The following CDH22 variants were observed in gnomAD, a reference collection of about 807,000 sequenced individuals.
CDH22 encodes the protein cadherin 22.
In CDH22, 30 loss-of-function variants were observed where a neutral mutation model predicts 58.4. That is an observed-to-expected ratio of 0.51 (90% CI 0.38 to 0.70). The LOEUF (loss-of-function observed/expected upper bound fraction) is 0.70. Ranked by LOEUF, CDH22 falls within the 30% of genes least tolerant of loss-of-function variation. CDH22 has a pLI of 0.00. For missense variants in CDH22, 1,014 were observed against 1,233.9 expected, an observed-to-expected ratio of 0.82 and a Z score of 2.67; for synonymous variants, 513 against 558.2, an observed-to-expected ratio of 0.92 and a Z score of 1.14.
chr20:46,187,039 G>T, intron 8 of CDH22, 92 bp from the exon 9 acceptor site: 1 of 1,354,650 alleles, frequency 7.4e-7, no homozygotes, highest in Non-Finnish European at 9.9e-7. Flanking sequence ...TAGGCAGTGG[G>T]GTCATGCTGA....
intron 1 of CDH22, among the ~76,000 whole-genome samples, chr20:46,262,469 T>C (rs373894318): frequency 6.6e-6 from 1 of 152,154 alleles, no homozygotes; most frequent in Admixed American, 6.5e-5. Flanking sequence ...CCTGGCTCAG[T>C]CTGGATGGTT....
chr20:46,305,370 G>C (rs2086670197), intron 1 of CDH22, among the ~76,000 whole-genome samples: 1 of 152,238 alleles, frequency 6.6e-6, no homozygotes, highest in South Asian at 2.1e-4. Context: ...AGGAACCCGG[G>C]GTGGAGGGTG....
intron 2 of CDH22, among the ~76,000 whole-genome samples, chr20:46,247,446 A>C (rs972503695): frequency 5.3e-5 from 8 of 152,178 alleles, no homozygotes; most frequent in African/African-American, 1.9e-4. Flanking sequence ...TCTGTACTGA[A>C]TGTGTACAGA....
intron 8 of CDH22, among the ~76,000 whole-genome samples, chr20:46,195,233 A>C (rs2085890402): frequency 6.6e-6 from 1 of 152,218 alleles, no homozygotes; most frequent in African/African-American, 2.4e-5. Context: ...AAGCCCATTC[A>C]TTCATCCATT....
Position 46,256,406 on chromosome 20 carries a change from G to A in CDH22, c.-399-4713C>T, listed in dbSNP as rs73295850. ...TTGTCATTAAGATGAGATTTAAACA[G>A]AGATCTGAAGTGAGGGACAGAGGGG... On this transcript the variant is annotated intron_variant, in intron 1 of 11. Coordinates refer to ENST00000537909, the MANE Select transcript of CDH22 (RefSeq NM_021248.3). Among the ~76,000 whole-genome samples, 1,243 of 152,302 alleles carry A rather than the reference G, an allele frequency of 8.2e-3. 20 individuals carry two copies. Among genetic ancestry groups the A allele is most frequent in the African/African-American group, 0.028 (1,171 of 41,550 alleles).
chr20:46,294,138 T>G (rs1206057756), intron 1 of CDH22, among the ~76,000 whole-genome samples: 7 of 152,204 alleles, frequency 4.6e-5, no homozygotes, highest in Non-Finnish European at 1.0e-4. Flanking sequence ...GGCAGCTTTA[T>G]GGTTTATGCA....
At position 46,229,530 on chromosome 20, in the gene CDH22, G is replaced by A. The variant is rs140326469; in HGVS notation, c.551-1903C>T. Among the ~76,000 whole-genome samples, 427 of 152,262 alleles carry A rather than the reference G, an allele frequency of 2.8e-3. 8 individuals are homozygous for A. Among genetic ancestry groups the A allele is most frequent in the East Asian group, 0.027 (141 of 5,178 alleles). ...TTTGACCTTGGATCTGTCATGAACC[G>A]CTTTGTGCTTCAATCTCCCCATTTT... is the stretch of plus-strand genomic sequence containing the variant. On this transcript the variant is annotated intron_variant, in intron 3 of 11. Coordinates refer to ENST00000537909, the MANE Select transcript of CDH22 (RefSeq NM_021248.3).
intron 11 of CDH22, among the ~76,000 whole-genome samples, chr20:46,177,137 C>T (rs1003246002): frequency 7.2e-5 from 11 of 152,034 alleles, no homozygotes; most frequent in African/African-American, 2.2e-4. Flanking sequence ...GGACAGAGGC[C>T]GTGCCAGTGC....
rs961962395 is a variant in CDH22 at position 46,210,621 on chromosome 20, C to A, written c.1033-61G>T. On this transcript the variant is annotated intron_variant, in intron 6 of 11. Coordinates refer to ENST00000537909, the MANE Select transcript of CDH22 (RefSeq NM_021248.3). The surrounding 1 kb of genome is among the most constrained non-coding windows in gnomAD (Gnocchi z 4.5). ...GGTCTGGTGGACACTGAGGCCTTCA[C>A]GAGGGAGGCCAAGGCAGGCGGGGTT... 2.9e-6 allele frequency: 4 copies of A among 1,375,442 alleles called. No individual in the cohort carries two copies. The highest frequency in any genetic ancestry group is 3.0e-5 in the Admixed American group (1 of 33,108). The allele number at this position is 1,375,442 out of a possible 1,614,324, so 85.2% of individuals were successfully genotyped here.
At chr20:46,294,530 A>T (rs181096457) in intron 1 of CDH22, among the ~76,000 whole-genome samples, 67 of 152,344 alleles carry the variant, frequency 4.4e-4, no homozygotes, top group Non-Finnish European at 3.4e-4. Context: ...TTTCAATTAC[A>T]CGGATTATTT....
chr20:46,294,447 G>A (rs928635244), intron 1 of CDH22, among the ~76,000 whole-genome samples: 9 of 152,212 alleles, frequency 5.9e-5, no homozygotes, highest in Non-Finnish European at 1.0e-4. Context: ...TCCCAGGGGT[G>A]GTAGGAGGGT....
intron 4 of CDH22, among the ~76,000 whole-genome samples, chr20:46,226,231 C>CCTGCTTCTT (rs2086170090): frequency 1.2e-5 from 1 of 86,540 alleles, no homozygotes; most frequent in East Asian, 3.0e-4. Flanking sequence ...TCTGGCAACA[C>CCTGCTTCTT]CTTCTTCTTC....
intron 3 of CDH22, among the ~76,000 whole-genome samples, chr20:46,240,035 T>C (rs1026721654): frequency 2.6e-5 from 4 of 152,140 alleles, no homozygotes; most frequent in African/African-American, 9.7e-5. Context: ...GTGTGTGCAG[T>C]CATACCCAGG....
intron 3 of CDH22, among the ~76,000 whole-genome samples, chr20:46,231,006 G>A (rs886450903): frequency 6.6e-6 from 1 of 152,146 alleles, no homozygotes; most frequent in Non-Finnish European, 1.5e-5. Flanking sequence ...AGAGAGGGAG[G>A]ACTCAGACAC....
At chr20:46,295,517 T>TAC (rs2086625303) in intron 1 of CDH22, among the ~76,000 whole-genome samples, 5 of 152,364 alleles carry the variant, frequency 3.3e-5, no homozygotes, top group South Asian at 2.1e-4. Context: ...GTAACGCAGC[T>TAC]ACTGTGATTA....
chr20:46,223,798 T>C lies in CDH22; in HGVS notation c.670+3710A>G, dbSNP rs189644611. On this transcript the variant is annotated intron_variant, in intron 4 of 11. Transcript: ENST00000537909. ...TTTCCTCTCTTTCTTTTTCTTTCTT[T>C]CTTCTTCCTTTCTTCCTTTCTTCCT... Among the ~76,000 whole-genome samples, 3 of 145,484 alleles carry C rather than the reference T, an allele frequency of 2.1e-5. No homozygotes were observed. In the East Asian group the frequency reaches 6.0e-4, roughly 29 times the overall value.
chr20:46,221,191 GC>G (rs2086122222), intron 4 of CDH22, among the ~76,000 whole-genome samples: 1 of 151,820 alleles, frequency 6.6e-6, no homozygotes, highest in African/African-American at 2.4e-5. Flanking sequence ...AGTGACCCCA[GC>G]AAAATAACTG....
intron 4 of CDH22, among the ~76,000 whole-genome samples, chr20:46,226,505 A>G (rs1369159165): frequency 6.7e-6 from 1 of 150,102 alleles, no homozygotes; most frequent in African/African-American, 2.5e-5. Context: ...CTGGTCTCAA[A>G]CTCCTGAACT....
intron 7 of CDH22, among the ~76,000 whole-genome samples, chr20:46,208,663 C>T (rs1028612768): frequency 6.6e-6 from 1 of 152,140 alleles, no homozygotes; most frequent in African/African-American, 2.4e-5. Context: ...GGTGCAATCT[C>T]GGCTCACTGC....
Sources: allele counts gnomAD v4.1 joint callset (sites outside exome capture counted in the v4.1 genomes callset), GRCh38; gene constraint gnomAD v4.1.1; non-coding constraint Gnocchi (gnomAD v3.1); transcripts MANE v1.5; gene names NCBI Gene and HGNC (gene_info 2026-07-23, HGNC 2026-07-21).